Variants in ZNF385D observed in about 807,000 individuals in gnomAD.
ZNF385D encodes the protein zinc finger protein 659.
In ZNF385D, 15 loss-of-function variants were observed where a neutral mutation model predicts 35.8. The observed-to-expected ratio is 0.42, with a 90% CI of 0.28 to 0.64. ZNF385D has a LOEUF of 0.64. Ranked by LOEUF, ZNF385D falls within the 30% of genes least tolerant of loss-of-function variation. The pLI, the probability that ZNF385D is intolerant of heterozygous loss-of-function variation, is 0.23. For synonymous variants in ZNF385D, 212 were observed against 186.8 expected, an observed-to-expected ratio of 1.13 and a Z score of -1.10; for missense variants, 474 against 494.6, an observed-to-expected ratio of 0.96 and a Z score of 0.39.
At position 22,132,059 on chromosome 3, in the gene ZNF385D, G is replaced by C. The variant is rs190395963; in HGVS notation, c.325+36758C>G. Among the ~76,000 whole-genome samples, 41 of 152,248 alleles carry C rather than the reference G, an allele frequency of 2.7e-4. 2 individuals are homozygous for C. The East Asian group carries it at 3.5e-3, about 13-fold the overall frequency. ...GACATTTTGTTCATCAATTGATAAA[G>C]AGGAAAAAACGTTTAGGGTATATGC... On this transcript the variant is annotated intron_variant, in intron 3 of 5. Coordinates refer to the ZNF385D transcript ENST00000494108.
intron 1 of ZNF385D, among the ~76,000 whole-genome samples, chr3:21,669,408 G>A (rs972769522): frequency 2.0e-4 from 31 of 152,174 alleles, no homozygotes; most frequent in African/African-American, 6.5e-4. Context: ...CATAATAAAT[G>A]TTGTTTCGGT....
intron 3 of ZNF385D, among the ~76,000 whole-genome samples, chr3:21,783,818 A>G (rs191167368): frequency 1.0e-3 from 156 of 152,308 alleles, no homozygotes; most frequent in Non-Finnish European, 7.9e-4. Context: ...ATGTGGGGAC[A>G]TTATTTGAAA....
At chr3:22,034,584 A>G (rs1698200558) in intron 3 of ZNF385D, among the ~76,000 whole-genome samples, 1 of 152,218 alleles carries the variant, frequency 6.6e-6, no homozygotes, top group African/African-American at 2.4e-5. Flanking sequence ...ATATGTATTA[A>G]TATCATATAT....
intron 3 of ZNF385D, among the ~76,000 whole-genome samples, chr3:21,952,835 A>G (rs1356223696): frequency 6.6e-6 from 1 of 152,030 alleles, no homozygotes; most frequent in Non-Finnish European, 1.5e-5. Context: ...ATTGCCTTTT[A>G]TATCATACAT....
At chr3:22,308,483 C>T (rs1703357679) in intron 2 of ZNF385D, among the ~76,000 whole-genome samples, 1 of 151,806 alleles carries the variant, frequency 6.6e-6, no homozygotes, top group Admixed American at 6.6e-5. Flanking sequence ...GAGAGAAGGA[C>T]ATTCCCTTGA....
intron 3 of ZNF385D, among the ~76,000 whole-genome samples, chr3:21,542,188 T>C (rs910700770): frequency 6.6e-6 from 1 of 152,228 alleles, no homozygotes; most frequent in African/African-American, 2.4e-5. Context: ...TGAATTTTCA[T>C]GTTTAGGTTT....
At chr3:21,509,570 T>C (rs1012914919) in intron 4 of ZNF385D, among the ~76,000 whole-genome samples, 2 of 152,206 alleles carry the variant, frequency 1.3e-5, no homozygotes, top group African/African-American at 4.8e-5. Context: ...ATGACAAGCC[T>C]GTCTTTTTTT....
At chr3:22,274,572 C>T (rs993890727) in intron 2 of ZNF385D, among the ~76,000 whole-genome samples, 3 of 151,898 alleles carry the variant, frequency 2.0e-5, no homozygotes, top group African/African-American at 7.2e-5. Context: ...GCCCAAGAGT[C>T]CATTGCAATC....
At chr3:21,991,276 G>C (rs556257684) in intron 3 of ZNF385D, among the ~76,000 whole-genome samples, 42 of 152,054 alleles carry the variant, frequency 2.8e-4, no homozygotes, top group African/African-American at 1.0e-3. Flanking sequence ...ATGTTTCTAA[G>C]GGATTTTAAA....
intron 3 of ZNF385D, among the ~76,000 whole-genome samples, chr3:22,166,712 A>C (rs1706354638): frequency 6.6e-6 from 1 of 152,256 alleles, no homozygotes; most frequent in East Asian, 1.9e-4. Context: ...CGTGGTTTGA[A>C]AATCTTTGGC....
At position 21,510,143 on chromosome 3, in the gene ZNF385D, T is replaced by C. The variant is rs183170613; in HGVS notation, c.439+718A>G. Among the ~76,000 whole-genome samples, 428 of 152,268 alleles carry C rather than the reference T, an allele frequency of 2.8e-3. 1 individual carries two copies. Among genetic ancestry groups the C allele is most frequent in the Non-Finnish European group, 4.6e-3 (316 of 68,016 alleles). ...TATCCATGAATCACAGAGGAATATT[T>C]TCTCTGTAGATTTCGAAAACCAGTG... is the stretch of plus-strand genomic sequence containing the variant. On this transcript the variant is annotated intron_variant, in intron 4 of 7. Transcript: ENST00000281523.
chr3:22,220,430 C>T (rs1359671677), intron 2 of ZNF385D, among the ~76,000 whole-genome samples: 1 of 152,050 alleles, frequency 6.6e-6, no homozygotes, highest in African/African-American at 2.4e-5. Flanking sequence ...GCAACAATTA[C>T]AAAGTAACCA....
intron 3 of ZNF385D, among the ~76,000 whole-genome samples, chr3:21,522,783 T>C (rs1017057559): frequency 4.6e-5 from 7 of 152,200 alleles, no homozygotes; most frequent in African/African-American, 1.7e-4. Context: ...TGATTTCTTT[T>C]TGTGCTTAAA....
chr3:21,734,285 GT>G (rs5847129), intron 1 of ZNF385D, among the ~76,000 whole-genome samples: 33 of 148,852 alleles, frequency 2.2e-4, no homozygotes, highest in African/African-American at 4.9e-4. Context: ...AACACTCAGG[GT>G]TTTTTTTTTC....
At chr3:21,811,374 G>C (rs1318334128) in intron 3 of ZNF385D, among the ~76,000 whole-genome samples, 3 of 152,026 alleles carry the variant, frequency 2.0e-5, no homozygotes, top group Admixed American at 2.0e-4. Context: ...CCAGAATATA[G>C]GAAGCAAGAA....
chr3:21,598,490 C>T (rs564114869), intron 2 of ZNF385D, among the ~76,000 whole-genome samples: 1 of 152,108 alleles, frequency 6.6e-6, no homozygotes, highest in South Asian at 2.1e-4. Flanking sequence ...GTGAGTAAAC[C>T]ATATTATTGG....
chr3:22,151,759 G>C (rs1266875777), intron 3 of ZNF385D, among the ~76,000 whole-genome samples: 5 of 152,020 alleles, frequency 3.3e-5, no homozygotes, highest in Non-Finnish European at 5.9e-5. Flanking sequence ...AATAATATTT[G>C]ACCAAATATC....
Position 22,241,615 on chromosome 3 carries a change from T to A in ZNF385D, c.107-72580A>T, listed in dbSNP as rs1032591820. ...AGCCCTCTGGCCCTTAACAAATTAA[T>A]TAGGCTTTTTTACTCAGGGTAGAAT... On this transcript the variant is annotated intron_variant, in intron 2 of 5. Transcript: ENST00000494108. Among the ~76,000 whole-genome samples, 15 of 151,194 alleles carry A rather than the reference T, an allele frequency of 9.9e-5. 1 individual carries two copies. The highest frequency in any genetic ancestry group is 7.9e-4 in the Admixed American group (12 of 15,172).
intron 3 of ZNF385D, among the ~76,000 whole-genome samples, chr3:22,022,730 G>A (rs1199566786): frequency 1.3e-5 from 2 of 151,984 alleles, no homozygotes; most frequent in African/African-American, 2.4e-5. Context: ...AAGGAATAGA[G>A]ACCAGAAATT....
Sources: gnomAD v4.1 joint callset for allele counts (sites outside exome capture counted in the v4.1 genomes callset) on GRCh38, gnomAD v4.1.1 for gene constraint, MANE v1.5 for transcripts, NCBI Gene and HGNC (gene_info 2026-07-23, HGNC 2026-07-21) for gene names.